MTCL2: variants seen among roughly 807,000 people sequenced by gnomAD.
MTCL2 encodes microtubule cross-linking factor 2.
chr20:36,798,588 C>T, the MTCL2 span, among the ~76,000 whole-genome samples: 1 of 152,194 alleles, frequency 6.6e-6, no homozygotes, highest in African/African-American at 2.4e-5. Context: ...CGAATCACTG[C>T]CAATGACAGA....
chr20:36,822,741 C>T, the MTCL2 span, among the ~76,000 whole-genome samples: 1 of 150,914 alleles, frequency 6.6e-6, no homozygotes. Context: ...GCTTCAGGTA[C>T]AAAATTTACT....
chr20:36,816,385 C>G, the MTCL2 span: 36 of 1,277,610 alleles, frequency 2.8e-5, no homozygotes, highest in Non-Finnish European at 3.8e-5. Context: ...TTTTGGGGAG[C>G]ACTATGTGCT....
chr20:36,858,988 G>C, the MTCL2 span, among the ~76,000 whole-genome samples: 4 of 151,998 alleles, frequency 2.6e-5, no homozygotes, highest in Admixed American at 2.6e-4. Flanking sequence ...ATGGGGTTTC[G>C]CCACGTTGGC....
At chr20:36,836,728 C>A in the MTCL2 span, among the ~76,000 whole-genome samples, 1 of 152,112 alleles carries the variant, frequency 6.6e-6, no homozygotes, top group Admixed American at 6.6e-5. Flanking sequence ...CTCTAGCGAT[C>A]CTCCCACTTC....
chr20:36,804,915 G>A, the MTCL2 span: 1 of 1,603,052 alleles, frequency 6.2e-7, no homozygotes, highest in Non-Finnish European at 8.5e-7. Context: ...GCAGACAGGA[G>A]GCAAAACCTG....
the MTCL2 span, among the ~76,000 whole-genome samples, chr20:36,846,607 C>A: frequency 6.6e-6 from 1 of 152,218 alleles, no homozygotes; most frequent in African/African-American, 2.4e-5. Context: ...CCAGCTTCTG[C>A]AGTAGGTCCA....
At chr20:36,802,136 A>G in the MTCL2 span, among the ~76,000 whole-genome samples, 2 of 151,784 alleles carry the variant, frequency 1.3e-5, no homozygotes, top group Admixed American at 6.6e-5. Context: ...AAATATAAAA[A>G]TTAGCCGGCT....
At chr20:36,857,381 G>A in the MTCL2 span, among the ~76,000 whole-genome samples, 1 of 152,136 alleles carries the variant, frequency 6.6e-6, no homozygotes, top group South Asian at 2.1e-4. Context: ...GCATGGGTTT[G>A]TGCACTTCTC....
At chr20:36,807,304 C>T in the MTCL2 span, among the ~76,000 whole-genome samples, 1 of 152,176 alleles carries the variant, frequency 6.6e-6, no homozygotes, top group Non-Finnish European at 1.5e-5. Flanking sequence ...CTGGGCTCCT[C>T]TGGAGTACCC....
At chr20:36,807,583 G>C in the MTCL2 span, among the ~76,000 whole-genome samples, 1 of 152,198 alleles carries the variant, frequency 6.6e-6, no homozygotes, top group Non-Finnish European at 1.5e-5. Context: ...GAGCAGCAAA[G>C]GGTCCTGCAT....
At chr20:36,810,188 A>G in the MTCL2 span, 1 of 1,486,844 alleles carries the variant, frequency 6.7e-7, no homozygotes, top group Non-Finnish European at 9.0e-7. Context: ...TAAGGATGAC[A>G]GTGGTAGGGG....
At chr20:36,817,482 T>G in the MTCL2 span, 15 of 1,519,010 alleles carry the variant, frequency 9.9e-6, 1 homozygote, top group South Asian at 1.8e-4. Context: ...GAAGTGAGAT[T>G]TAATTAAAAA....
chr20:36,863,168 T>A, the MTCL2 span: 1 of 1,346,346 alleles, frequency 7.4e-7, no homozygotes, highest in Non-Finnish European at 9.6e-7. The surrounding 1 kb of genome is among the most constrained non-coding windows in gnomAD (Gnocchi z 6.2). Context: ...TGCAGGCGAC[T>A]GCTGAGCCCG....
the MTCL2 span, chr20:36,783,962 G>A: frequency 4.1e-6 from 4 of 985,640 alleles, no homozygotes; most frequent in Non-Finnish European, 4.8e-6. Context: ...TTGCACAGTG[G>A]CATGCAGGAA....
the MTCL2 span, among the ~76,000 whole-genome samples, chr20:36,854,110 C>T: frequency 1.3e-5 from 2 of 152,140 alleles, no homozygotes; most frequent in African/African-American, 4.8e-5. Context: ...CACTTCACAC[C>T]CCTGCCATTC....
the MTCL2 span, among the ~76,000 whole-genome samples, chr20:36,806,527 ATT>A: frequency 6.7e-6 from 1 of 149,532 alleles, no homozygotes; most frequent in Non-Finnish European, 1.5e-5. Context: ...GTGTCTCTTT[ATT>A]TTTTTTTTGA....
the MTCL2 span, among the ~76,000 whole-genome samples, chr20:36,852,169 C>T: frequency 6.6e-6 from 1 of 152,238 alleles, no homozygotes; most frequent in Non-Finnish European, 1.5e-5. Flanking sequence ...GAGGCAGCAA[C>T]CACACTACAG....
chr20:36,842,524 C>T, the MTCL2 span, among the ~76,000 whole-genome samples: 8 of 152,216 alleles, frequency 5.3e-5, no homozygotes, highest in Non-Finnish European at 1.0e-4. Context: ...GTAATCCCAG[C>T]GCTTTGGGAG....
At chr20:36,792,458 T>C in the MTCL2 span, among the ~76,000 whole-genome samples, 2 of 151,730 alleles carry the variant, frequency 1.3e-5, no homozygotes, top group African/African-American at 2.4e-5. Context: ...TGAGCCGAGA[T>C]TGAGTCATTG....
Sources: gnomAD v4.1 joint callset for allele counts (sites outside exome capture counted in the v4.1 genomes callset) on GRCh38, gnomAD v4.1.1 for gene constraint, Gnocchi (gnomAD v3.1) non-coding constraint, MANE v1.5 for transcripts, NCBI Gene and HGNC (gene_info 2026-07-23, HGNC 2026-07-21) for gene names.